TSPAN11: variants seen among roughly 807,000 people sequenced by gnomAD.
TSPAN11 encodes tetraspanin 11.
A neutral mutation model predicts 32.9 loss-of-function variants in TSPAN11; 29 were observed. The ratio of observed to expected loss-of-function variants is 0.88; its 90% CI spans 0.66 to 1.20. The LOEUF (loss-of-function observed/expected upper bound fraction) is 1.20, where lower values mean the gene tolerates loss of function less well. TSPAN11 is among the 50% of genes most tolerant of loss of function. The pLI, the probability that TSPAN11 is intolerant of heterozygous loss-of-function variation, is 0.00. For missense variants in TSPAN11, 283 were observed against 329.1 expected, an observed-to-expected ratio of 0.86 and a Z score of 1.08; for synonymous variants, 140 against 141.3, an observed-to-expected ratio of 0.99 and a Z score of 0.07.
chr12:30,956,417 TTA>T (rs1443381031), intron 2 of TSPAN11, among the ~76,000 whole-genome samples: 2 of 152,204 alleles, frequency 1.3e-5, no homozygotes, highest in African/African-American at 4.8e-5. Flanking sequence ...CCCACTAAAC[TTA>T]TATCACAACC....
chr12:30,931,450 T>C (rs1937924412), intron 1 of TSPAN11, among the ~76,000 whole-genome samples: 1 of 152,146 alleles, frequency 6.6e-6, no homozygotes, highest in Non-Finnish European at 1.5e-5. Context: ...ACTGAAGCCT[T>C]TTGGTCAGGT....
chr12:30,959,614 G>GAA (rs35860050), intron 2 of TSPAN11, among the ~76,000 whole-genome samples: 1,989 of 151,238 alleles, frequency 0.013, 38 homozygotes, highest in East Asian at 0.08. Flanking sequence ...TAAAACCCAG[G>GAA]AAAAAAAATA....
At chr12:30,982,141 C>A (rs887202070) in intron 5 of TSPAN11, among the ~76,000 whole-genome samples, 1 of 152,206 alleles carries the variant, frequency 6.6e-6, no homozygotes, top group Non-Finnish European at 1.5e-5. Flanking sequence ...GTCCTGACCC[C>A]TGGGTGACCA....
chr12:30,992,112 C>T lies in TSPAN11; in HGVS notation c.*197C>T. 1.6e-6 allele frequency: 1 copy of T among 631,998 alleles called. No individual in the cohort carries two copies. The highest frequency in any genetic ancestry group is 2.5e-5 in the Admixed American group (1 of 39,714). The allele number at this position is 631,998 out of a possible 1,614,324, so 39.1% of individuals were successfully genotyped here. ...CAGGCAGAGACCCTCGGCCCCCTCTCCTCCATTTCTGAGCCCCCATGGCCA... is the reference window on the plus strand; with the variant it reads ...CAGGCAGAGACCCTCGGCCCCCTCTTCTCCATTTCTGAGCCCCCATGGCCA... On this transcript the variant is annotated 3_prime_UTR_variant, in exon 8 of 8. Transcript: ENST00000546076.
chr12:30,982,877 C>T (rs867673526), intron 6 of TSPAN11, among the ~76,000 whole-genome samples, 187 bp downstream of exon 6: 4 of 152,178 alleles, frequency 2.6e-5, no homozygotes, highest in African/African-American at 4.8e-5. Flanking sequence ...CAGCTCATAC[C>T]GGAGAGTATA....
the TSPAN11 span, among the ~76,000 whole-genome samples, chr12:31,003,004 C>G: frequency 6.6e-6 from 1 of 152,222 alleles, no homozygotes; most frequent in Non-Finnish European, 1.5e-5. Flanking sequence ...CTGCTCACCC[C>G]TTCTGTGAGA....
chr12:30,985,573 G>A (rs1017438085), intron 7 of TSPAN11, among the ~76,000 whole-genome samples: 5 of 152,236 alleles, frequency 3.3e-5, no homozygotes, highest in South Asian at 4.1e-4. Flanking sequence ...GAGAAGGTAC[G>A]CTCAGCAGCA....
chr12:30,997,886 C>T (rs930156661), downstream of TSPAN11, among the ~76,000 whole-genome samples: 5 of 152,208 alleles, frequency 3.3e-5, no homozygotes, highest in South Asian at 2.1e-4. Context: ...GGTCCCCAGG[C>T]AGGGACCCAC....
chr12:30,960,679 C>T lies in TSPAN11; in HGVS notation c.85-3147C>T, dbSNP rs57954922. Among the ~76,000 whole-genome samples the T allele has an allele frequency of 2.8e-4, 43 of 152,092 alleles. No individual in the cohort carries two copies. In the East Asian group the frequency reaches 7.9e-3, roughly 28 times the overall value. ...CCGCCCCTCCTGGCCAGCTTGCATC[C>T]TTGTCGCCTGGCTTCACCCTCTGCA... On this transcript the variant is annotated intron_variant, in intron 2 of 7. Transcript: ENST00000546076.
intron 7 of TSPAN11, among the ~76,000 whole-genome samples, chr12:30,988,008 T>TG: frequency 6.6e-6 from 1 of 152,356 alleles, no homozygotes; most frequent in South Asian, 2.1e-4. Context: ...GGGCAGAGGC[T>TG]GGGGGCCGGC....
At chr12:30,943,064 G>C (rs1037638945) in intron 1 of TSPAN11, among the ~76,000 whole-genome samples, 1 of 152,172 alleles carries the variant, frequency 6.6e-6, no homozygotes, top group Non-Finnish European at 1.5e-5. Flanking sequence ...TCCCTCCAGA[G>C]GGTTCTCCAA....
intron 2 of TSPAN11, chr12:30,954,368 C>T (rs377290517): frequency 5.7e-6 from 2 of 351,296 alleles, no homozygotes. Context: ...GGGTCCGGTT[C>T]TTTCTTCCCC....
chr12:31,009,098 A>G, the TSPAN11 span, among the ~76,000 whole-genome samples: 1 of 152,082 alleles, frequency 6.6e-6, no homozygotes, highest in South Asian at 2.1e-4. Context: ...GCAAATCAAA[A>G]TGCTCTTCCC....
At chr12:31,013,887 C>G in the TSPAN11 span, among the ~76,000 whole-genome samples, 4 of 152,226 alleles carry the variant, frequency 2.6e-5, no homozygotes, top group East Asian at 7.7e-4. Flanking sequence ...TGTGGCTAGT[C>G]TAAATTGAGA....
chr12:30,992,213 CGGGAG>C lies in TSPAN11; in HGVS notation c.*301_*305del, dbSNP rs1939329406. 3 of 476,182 alleles carry C rather than the reference CGGGAG, an allele frequency of 6.3e-6. No homozygotes were observed. The highest frequency in any genetic ancestry group is 1.1e-5 in the Non-Finnish European group (3 of 262,186). The allele number at this position is 476,182 out of a possible 1,614,324, so 29.5% of individuals were successfully genotyped here. ...CAGGAACGGGGGCACCCGTGGACTA[CGGGAG>C]GGTGGCGGTTGGGTTCTCTGCTCCC... On this transcript the variant is annotated 3_prime_UTR_variant, in exon 8 of 8. Coordinates refer to ENST00000546076, the MANE Select transcript of TSPAN11 (RefSeq NM_001370302.1).
chr12:30,968,752 A>C (rs895765246), intron 3 of TSPAN11, among the ~76,000 whole-genome samples: 2 of 152,222 alleles, frequency 1.3e-5, no homozygotes, highest in African/African-American at 4.8e-5. Flanking sequence ...TAAAAAAGTA[A>C]GAAGTTCTAA....
the TSPAN11 span, among the ~76,000 whole-genome samples, chr12:31,006,624 G>A: frequency 2.6e-5 from 4 of 152,202 alleles, no homozygotes; most frequent in African/African-American, 9.7e-5. Flanking sequence ...GCAGGAGGGA[G>A]AAGGTGCAGG....
At chr12:30,946,448 G>A (rs908294781) in intron 1 of TSPAN11, among the ~76,000 whole-genome samples, 4 of 152,260 alleles carry the variant, frequency 2.6e-5, no homozygotes, top group Admixed American at 6.5e-5. Flanking sequence ...GCAGCAAAGA[G>A]CAGACCCAGA....
chr12:30,998,517 T>G (rs1939446356), downstream of TSPAN11, among the ~76,000 whole-genome samples: 1 of 152,224 alleles, frequency 6.6e-6, no homozygotes, highest in South Asian at 2.1e-4. Context: ...TATTTCCTTT[T>G]CCCTCTGGCT....
Sources: gnomAD v4.1 joint callset for allele counts (sites outside exome capture counted in the v4.1 genomes callset) on GRCh38, gnomAD v4.1.1 for gene constraint, MANE v1.5 for transcripts, NCBI Gene and HGNC (gene_info 2026-07-23, HGNC 2026-07-21) for gene names.